KPNA7: variants seen among roughly 807,000 people sequenced by gnomAD.
KPNA7 encodes importin subunit alpha-8.
KPNA7 carries 54 observed loss-of-function variants against 53.7 expected under a neutral mutation model. The observed-to-expected ratio is 1.01, with a 90% confidence interval of 0.81 to 1.26. KPNA7 has a LOEUF of 1.26. KPNA7 is among the 50% of genes most tolerant of loss of function. The probability of loss-of-function intolerance (pLI) is 0.00; values close to 1 mark genes in which losing one functional copy is unlikely to be tolerated. For synonymous variants in KPNA7, 276 were observed against 259.3 expected (o/e 1.06, Z -0.62); for missense variants, 640 against 644.5 (o/e 0.99, Z 0.07).
downstream of KPNA7, among the ~76,000 whole-genome samples, chr7:99,170,640 C>T (rs1450255454): frequency 6.6e-6 from 1 of 152,160 alleles, no homozygotes; most frequent in East Asian, 1.9e-4. Context: ...CTGTTCCAAG[C>T]TGTTTTTTAA....
Position 99,177,832 on chromosome 7 carries a change from C to T in KPNA7, c.1464+88G>A. 8 of 1,408,820 alleles carry T rather than the reference C, an allele frequency of 5.7e-6. No individual in the cohort carries two copies. In the South Asian group the frequency reaches 1.1e-4, roughly 19 times the overall value. 87.3% of individuals were successfully genotyped at this position (1,408,820 alleles called of 1,614,324 possible). A position where few individuals can be genotyped will look rare whatever the true frequency, so the allele number is the denominator to read the frequency against. ...CACCTGCCCAGTCACCTGCCACACG[C>T]AACAGCCCAGGCCCCGGCAGGGTGA... is the stretch of plus-strand genomic sequence containing the variant. On this transcript the variant is annotated intron_variant, in intron 10 of 10. Transcript: ENST00000327442.
At chr7:99,207,092 T>C (rs1021048862) in intron 2 of KPNA7, among the ~76,000 whole-genome samples, 1 of 152,078 alleles carries the variant, frequency 6.6e-6, no homozygotes, top group South Asian at 2.1e-4. Context: ...TGGAGTGCAG[T>C]GGCCTGATCT....
intron 8 of KPNA7, among the ~76,000 whole-genome samples, chr7:99,184,069 G>A (rs913795379): frequency 4.0e-5 from 6 of 151,176 alleles, no homozygotes; most frequent in Non-Finnish European, 8.8e-5. Flanking sequence ...GGCTGGTATC[G>A]AACCCCTGAT....
rs115113265 is a variant in KPNA7, at chr7:99,193,450, A to G, written c.554-349T>C. 5.4e-3 allele frequency among the ~76,000 whole-genome samples: 819 copies of G among 152,332 alleles called. 5 individuals are homozygous for G. The highest frequency in any genetic ancestry group is 0.019 in the African/African-American group (798 of 41,576). On this transcript the variant is annotated intron_variant, in intron 5 of 10. Coordinates refer to ENST00000327442, the MANE Select transcript of KPNA7 (RefSeq NM_001145715.3). ...CCTTGGCACAGGGCAGTAACTTCCA[A>G]TGCAACTCAGAACAAAGTCTGGGGA...
chr7:99,164,308 A>G, the KPNA7 span, among the ~76,000 whole-genome samples: 5 of 152,032 alleles, frequency 3.3e-5, no homozygotes, highest in African/African-American at 1.2e-4. Flanking sequence ...CTATGCAGCC[A>G]TAAAAAATGA....
chr7:99,183,884 T>C (rs527241889), intron 8 of KPNA7, among the ~76,000 whole-genome samples: 2 of 152,290 alleles, frequency 1.3e-5, no homozygotes, highest in East Asian at 1.9e-4. Context: ...TTACTCTTGC[T>C]GCCCAGGCTG....
upstream of KPNA7, among the ~76,000 whole-genome samples, chr7:99,208,179 T>C (rs186826829): frequency 6.7e-4 from 102 of 151,946 alleles, 2 homozygotes; most frequent in Admixed American, 6.6e-3. Flanking sequence ...TGGACTCAAG[T>C]GATTCACCCA....
chr7:99,201,051 T>A (rs1248701293), intron 3 of KPNA7, among the ~76,000 whole-genome samples: 1 of 152,184 alleles, frequency 6.6e-6, no homozygotes, highest in African/African-American at 2.4e-5. Context: ...AGTATTGATA[T>A]ATGCTACAAC....
the KPNA7 span, among the ~76,000 whole-genome samples, chr7:99,164,822 G>C: frequency 6.6e-6 from 1 of 152,296 alleles, no homozygotes; most frequent in East Asian, 1.9e-4. Flanking sequence ...CTCAGACCGG[G>C]TGTGGTGGCT....
the KPNA7 span, among the ~76,000 whole-genome samples, chr7:99,146,711 TAA>T: frequency 2.8e-5 from 2 of 70,398 alleles, no homozygotes; most frequent in African/African-American, 1.2e-4. Context: ...GACTGTGTCT[TAA>T]AAAAAAAAAA....
intron 6 of KPNA7, 51 bp downstream of exon 6, chr7:99,192,968 T>C: frequency 7.7e-7 from 1 of 1,295,072 alleles, no homozygotes; most frequent in East Asian, 2.6e-5. Context: ...ATTAAGATTA[T>C]TTTAAAATTT....
At chr7:99,191,253 G>GT (rs1338517837) in intron 6 of KPNA7, among the ~76,000 whole-genome samples, 1 of 151,460 alleles carries the variant, frequency 6.6e-6, no homozygotes, top group East Asian at 1.9e-4. Context: ...CACCTCCCAG[G>GT]TTCAAGAGAT....
At chr7:99,215,476 G>T (rs1204342318) in intron 1 of KPNA7, among the ~76,000 whole-genome samples, 2 of 151,878 alleles carry the variant, frequency 1.3e-5, no homozygotes, top group Non-Finnish European at 2.9e-5. Flanking sequence ...GATGAGACAG[G>T]GTCCTCCCCA....
chr7:99,146,730 A>C, the KPNA7 span, among the ~76,000 whole-genome samples: 61 of 132,690 alleles, frequency 4.6e-4, no homozygotes, highest in African/African-American at 1.8e-3. Context: ...AAAAAAAAAA[A>C]AAAAAAAAAA....
chr7:99,167,490 C>CA, the KPNA7 span, among the ~76,000 whole-genome samples: 4 of 151,532 alleles, frequency 2.6e-5, no homozygotes, highest in Admixed American at 6.6e-5. Flanking sequence ...CAGATAGGGT[C>CA]AAAAAAAGCT....
intron 9 of KPNA7, among the ~76,000 whole-genome samples, chr7:99,178,771 C>CAAAAAAAAAAA (rs756807848): frequency 1.1e-4 from 3 of 27,708 alleles, no homozygotes; most frequent in African/African-American, 2.5e-4. Context: ...ATCTTTGTCT[C>CAAAAAAAAAAA]AAAAAAAAAA....
chr7:99,200,485 T>C (rs138444930), intron 3 of KPNA7, among the ~76,000 whole-genome samples: 64 of 152,314 alleles, frequency 4.2e-4, no homozygotes, highest in Middle Eastern at 3.4e-3. Context: ...ATTCACAGGT[T>C]TGGGGACTAG....
the KPNA7 span, among the ~76,000 whole-genome samples, chr7:99,162,955 C>T: frequency 6.6e-6 from 1 of 152,044 alleles, no homozygotes; most frequent in African/African-American, 2.4e-5. Context: ...CTGACACAGG[C>T]AGATCAACTG....
At position 99,188,299 on chromosome 7, in the gene KPNA7, C is replaced by T. The variant is rs1471613516; in HGVS notation, c.900+1G>A. 6.5e-7 allele frequency: 1 copy of T among 1,549,596 alleles called. No individual in the cohort carries two copies. Among genetic ancestry groups the T allele is most frequent in the Admixed American group, 2.0e-5 (1 of 50,870 alleles). On this transcript the variant is annotated splice_donor_variant, in intron 7 of 10. Transcript: ENST00000327442. LOFTEE classifies it high-confidence loss of function. ...TCCACAGGGCCCAGGATTGCATTTA[C>T]CAAGACATTGAGTTCTGAGCTGGTC...
Sources: allele counts gnomAD v4.1 joint callset (sites outside exome capture counted in the v4.1 genomes callset), GRCh38; gene constraint gnomAD v4.1.1; transcripts MANE v1.5; gene names NCBI Gene and HGNC (gene_info 2026-07-23, HGNC 2026-07-21).